The following ANKRD55 variants were observed in gnomAD, a reference collection of about 807,000 sequenced individuals.
ANKRD55 encodes the protein ankyrin repeat domain 55.
A neutral mutation model predicts 60.6 loss-of-function variants in ANKRD55; 41 were observed. That is an observed-to-expected ratio of 0.68 (90% CI 0.53 to 0.88). The LOEUF (loss-of-function observed/expected upper bound fraction) is 0.88. Among genes scored for constraint, ANKRD55 ranks in the 40% least tolerant of loss-of-function variants. The probability of loss-of-function intolerance (pLI) is 0.00; values close to 1 mark genes in which losing one functional copy is unlikely to be tolerated. For missense variants in ANKRD55, 732 were observed against 767.6 expected (o/e 0.95, Z 0.55); for synonymous variants, 264 against 290.3 (o/e 0.91, Z 0.92).
At chr5:56,100,342 T>G (rs771441183) in intron 11 of ANKRD55, 38 bp from the exon 12 acceptor site, 1 of 1,613,152 alleles carries the variant, frequency 6.2e-7, no homozygotes, top group Non-Finnish European at 8.5e-7. Context: ...TTTCAAGATT[T>G]GCTTCTCTAA....
intron 2 of ANKRD55, among the ~76,000 whole-genome samples, chr5:56,211,412 T>C (rs1364625880): frequency 6.6e-6 from 1 of 152,222 alleles, no homozygotes; most frequent in African/African-American, 2.4e-5. Context: ...ATTCTCACTG[T>C]ATGAGGTTGA....
intron 7 of ANKRD55, among the ~76,000 whole-genome samples, chr5:56,131,130 C>T (rs1435868484): frequency 6.6e-6 from 1 of 151,524 alleles, no homozygotes. Context: ...GCTCAGAGAA[C>T]ACCAAGCACG....
At chr5:56,146,862 C>T (rs539247866) in intron 6 of ANKRD55, 108 of 152,202 alleles carry the variant, frequency 7.1e-4, no homozygotes, top group African/African-American at 2.6e-3. Flanking sequence ...CACTGTCAAA[C>T]GTGAGGTAGA....
Position 56,107,243 on chromosome 5 carries a change from T to C in ANKRD55, c.1630+3875A>G, listed in dbSNP as rs566221857. On this transcript the variant is annotated intron_variant, in intron 10 of 11. Coordinates refer to ENST00000341048, the MANE Select transcript of ANKRD55 (RefSeq NM_024669.3). ...AGGCTGAAAACACTTGGGAAATTTATCTTATCATGACTCAGTTGCCTAGAA... is the reference window on the plus strand; with the variant it reads ...AGGCTGAAAACACTTGGGAAATTTACCTTATCATGACTCAGTTGCCTAGAA... 2.0e-5 allele frequency among the ~76,000 whole-genome samples: 3 copies of C among 152,288 alleles called. 1 individual carries two copies. The highest frequency in any genetic ancestry group is 4.1e-4 in the South Asian group (2 of 4,824).
At chr5:56,131,497 T>A (rs774988696) in intron 7 of ANKRD55, among the ~76,000 whole-genome samples, 6 of 151,998 alleles carry the variant, frequency 3.9e-5, no homozygotes, top group Non-Finnish European at 5.9e-5. Flanking sequence ...TTGTACTAGA[T>A]GTTAAAAGTA....
intron 2 of ANKRD55, among the ~76,000 whole-genome samples, chr5:56,224,055 C>T (rs1264416478): frequency 6.6e-6 from 1 of 152,204 alleles, no homozygotes; most frequent in African/African-American, 2.4e-5. Flanking sequence ...CACCACACCG[C>T]ACTTATTCCA....
intron 7 of ANKRD55, chr5:56,136,831 G>A: frequency 3.0e-6 from 1 of 334,430 alleles, no homozygotes; most frequent in Non-Finnish European, 5.9e-6. Flanking sequence ...TGAAGTGGAA[G>A]GATCACTTGA....
chr5:56,143,033 C>G (rs1322124791), intron 7 of ANKRD55, among the ~76,000 whole-genome samples: 1 of 152,160 alleles, frequency 6.6e-6, no homozygotes, highest in African/African-American at 2.4e-5. Flanking sequence ...ACTGAAACCA[C>G]AGTCAGGGCA....
intron 7 of ANKRD55, among the ~76,000 whole-genome samples, chr5:56,134,566 G>T (rs1370365619): frequency 1.3e-5 from 1 of 78,068 alleles, no homozygotes; most frequent in Non-Finnish European, 3.0e-5. Context: ...GTGACAGAGT[G>T]AGAGACTCTG....
chr5:56,199,632 T>C (rs548863642), intron 2 of ANKRD55, among the ~76,000 whole-genome samples: 8 of 150,802 alleles, frequency 5.3e-5, no homozygotes, highest in Non-Finnish European at 1.2e-4. Context: ...GGCTCACGCC[T>C]GTAATCCCAG....
intron 2 of ANKRD55, among the ~76,000 whole-genome samples, chr5:56,226,412 A>G (rs1215213695): frequency 1.3e-5 from 2 of 152,242 alleles, no homozygotes; most frequent in Non-Finnish European, 2.9e-5. Context: ...CATTCAGGAC[A>G]TAGGCATGGG....
chr5:56,217,913 A>T (rs970724680), intron 2 of ANKRD55, among the ~76,000 whole-genome samples: 16 of 151,780 alleles, frequency 1.1e-4, no homozygotes, highest in African/African-American at 3.9e-4. Context: ...AAAAAAAAAA[A>T]TTCATGATTC....
At chr5:56,186,162 T>TTTTG (rs1224759032) in intron 2 of ANKRD55, among the ~76,000 whole-genome samples, 1 of 152,062 alleles carries the variant, frequency 6.6e-6, no homozygotes, top group Non-Finnish European at 1.5e-5. Context: ...GTTTCCTTGT[T>TTTTG]TTTGTTTGTT....
intron 2 of ANKRD55, among the ~76,000 whole-genome samples, chr5:56,228,881 C>G (rs1272690845): frequency 1.3e-5 from 2 of 152,224 alleles, no homozygotes; most frequent in Non-Finnish European, 2.9e-5. Context: ...AGCCCTTCCT[C>G]TCTTTTTCCA....
At chr5:56,120,587 G>C (rs1446836042) in intron 8 of ANKRD55, among the ~76,000 whole-genome samples, 1 of 152,156 alleles carries the variant, frequency 6.6e-6, no homozygotes, top group Non-Finnish European at 1.5e-5. Context: ...GCACTGGAAA[G>C]GTGGTCCCCC....
intron 2 of ANKRD55, among the ~76,000 whole-genome samples, chr5:56,189,223 A>G (rs1003949421): frequency 6.6e-6 from 1 of 150,986 alleles, no homozygotes; most frequent in Admixed American, 6.6e-5. Flanking sequence ...AGGCAGGAGA[A>G]TGGTGTGAAT....
intron 2 of ANKRD55, among the ~76,000 whole-genome samples, chr5:56,218,757 C>A (rs1166193734): frequency 6.6e-6 from 1 of 151,580 alleles, no homozygotes; most frequent in Non-Finnish European, 1.5e-5. Context: ...AATGCAGATG[C>A]TAGATTAACA....
chr5:56,184,386 T>C (rs1408659123), intron 2 of ANKRD55, among the ~76,000 whole-genome samples: 1 of 152,200 alleles, frequency 6.6e-6, no homozygotes, highest in Admixed American at 6.5e-5. Context: ...GGCTTCCCAC[T>C]GATGTTAGTC....
chr5:56,146,474 C>G (rs1366417269), intron 6 of ANKRD55, among the ~76,000 whole-genome samples: 1 of 151,986 alleles, frequency 6.6e-6, no homozygotes, highest in Non-Finnish European at 1.5e-5. Context: ...TTAGTAGAGA[C>G]AGGTTTCACC....
Sources: allele counts gnomAD v4.1 joint callset (sites outside exome capture counted in the v4.1 genomes callset), GRCh38; gene constraint gnomAD v4.1.1; transcripts MANE v1.5; gene names NCBI Gene and HGNC (gene_info 2026-07-23, HGNC 2026-07-21).